The following CTNND2 variants were observed in gnomAD, a reference collection of about 807,000 sequenced individuals.
CTNND2 encodes the protein catenin delta 2, also known as catenin delta-2.
Under a neutral mutation model 144.4 loss-of-function variants are expected in CTNND2, and 22 were observed. That is an observed-to-expected ratio of 0.15 (90% CI 0.11 to 0.22). The LOEUF (loss-of-function observed/expected upper bound fraction) is 0.22, where lower values mean the gene tolerates loss of function less well. Ranked by LOEUF, CTNND2 falls within the 10% of genes least tolerant of loss-of-function variation. The pLI is 1.00. For missense variants in CTNND2, 1,353 were observed against 1,618.8 expected (o/e 0.84, Z 2.82); for synonymous variants, 751 against 695.6 (o/e 1.08, Z -1.25).
intron 2 of CTNND2, among the ~76,000 whole-genome samples, chr5:11,626,488 T>C (rs146570570): frequency 3.9e-5 from 6 of 152,320 alleles, no homozygotes; most frequent in African/African-American, 1.2e-4. Flanking sequence ...CATTGCTAAT[T>C]GTAAAATTAT....
intron 1 of CTNND2, among the ~76,000 whole-genome samples, chr5:11,766,213 T>C (rs1196609332): frequency 6.6e-6 from 1 of 152,204 alleles, no homozygotes; most frequent in Non-Finnish European, 1.5e-5. Flanking sequence ...GTGCACCCCA[T>C]AGGGAGAAGT....
At chr5:11,110,737 A>C (rs765168514) in intron 14 of CTNND2, 121 bp downstream of exon 14, 16 of 898,712 alleles carry the variant, frequency 1.8e-5, no homozygotes, top group Non-Finnish European at 2.3e-5. Context: ...AATTGTGCAG[A>C]TGCATTAGTG....
At chr5:11,185,493 A>G (rs1735532886) in intron 11 of CTNND2, among the ~76,000 whole-genome samples, 1 of 152,216 alleles carries the variant, frequency 6.6e-6, no homozygotes, top group Admixed American at 6.5e-5. Context: ...CTCATGATAC[A>G]GGCTCCTATT....
At chr5:11,412,787 CT>C (rs1387184914) in intron 3 of CTNND2, among the ~76,000 whole-genome samples, 1 of 152,196 alleles carries the variant, frequency 6.6e-6, no homozygotes, top group East Asian at 1.9e-4. Context: ...CTACAGGCCC[CT>C]TTTTTATATG....
Position 11,412,078 on chromosome 5 carries a change from A to C in CTNND2, c.288-9T>G. Reference sequence around the variant, plus strand: ...ACTGCTCTTCTGCTGAACTGTAAAAAAGAAAATACAGAGATATAATGCATT... The same window carrying C: ...ACTGCTCTTCTGCTGAACTGTAAAACAGAAAATACAGAGATATAATGCATT... On this transcript the variant is annotated splice_polypyrimidine_tract_variant and intron_variant, in intron 3 of 21. Coordinates refer to ENST00000304623, the MANE Select transcript of CTNND2 (RefSeq NM_001332.4). 1.2e-6 allele frequency: 2 copies of C among 1,606,978 alleles called. No homozygotes were observed. The highest frequency in any genetic ancestry group is 1.7e-6 in the Non-Finnish European group (2 of 1,173,830).
intron 1 of CTNND2, among the ~76,000 whole-genome samples, chr5:11,831,537 G>A (rs1367541606): frequency 2.0e-5 from 3 of 152,038 alleles, no homozygotes; most frequent in African/African-American, 4.8e-5. Flanking sequence ...GTGTGCTGGC[G>A]GGCGCCTGTA....
chr5:11,708,684 C>T (rs919794461), intron 2 of CTNND2, among the ~76,000 whole-genome samples: 45 of 152,122 alleles, frequency 3.0e-4, no homozygotes, highest in African/African-American at 1.1e-3. Context: ...GCTTCCCCAT[C>T]CTGGGAGTGT....
At chr5:11,572,776 A>G (rs1363779569) in intron 2 of CTNND2, among the ~76,000 whole-genome samples, 1 of 152,158 alleles carries the variant, frequency 6.6e-6, no homozygotes, top group Non-Finnish European at 1.5e-5. Flanking sequence ...CAGATGCACA[A>G]ATGCCACCAC....
At chr5:11,218,978 G>T (rs1441092102) in intron 10 of CTNND2, among the ~76,000 whole-genome samples, 1 of 152,198 alleles carries the variant, frequency 6.6e-6, no homozygotes, top group East Asian at 1.9e-4. Context: ...CCTGCACATA[G>T]GGTGTGGCTG....
intron 3 of CTNND2, among the ~76,000 whole-genome samples, chr5:11,561,930 C>G (rs962116616): frequency 9.9e-5 from 15 of 152,020 alleles, no homozygotes; most frequent in African/African-American, 3.6e-4. Flanking sequence ...TCTGTAATCC[C>G]AGCTACTCAG....
In CTNND2 at chr5:11,469,510, G is replaced by A. The variant is rs561026311; in HGVS notation, c.288-57441C>T. ...CCAGGGCCCTGAAACCTGGATGCAC[G>A]TTCAGAGAAGTCAGTCCGTCAGCTG... On this transcript the variant is annotated intron_variant, in intron 3 of 21. Coordinates refer to ENST00000304623, the MANE Select transcript of CTNND2 (RefSeq NM_001332.4). Among the ~76,000 whole-genome samples the A allele has an allele frequency of 6.6e-5, 10 of 152,212 alleles. No individual in the cohort carries two copies. In the East Asian group the frequency reaches 1.2e-3, roughly 18 times the overall value.
intron 9 of CTNND2, among the ~76,000 whole-genome samples, chr5:11,323,699 T>C (rs1311438623): frequency 6.6e-6 from 1 of 152,150 alleles, no homozygotes; most frequent in East Asian, 1.9e-4. Context: ...GCAATTGCAA[T>C]TATGGTTTTT....
chr5:11,108,043 C>T (rs13155993), intron 14 of CTNND2, among the ~76,000 whole-genome samples: 10,672 of 152,194 alleles, frequency 0.07, 502 homozygotes, highest in Non-Finnish European at 0.098. Flanking sequence ...ATACTTAACC[C>T]ATAATATGAT....
chr5:11,897,446 G>A (rs544174330), intron 1 of CTNND2, among the ~76,000 whole-genome samples: 1 of 152,226 alleles, frequency 6.6e-6, no homozygotes, highest in African/African-American at 2.4e-5. Context: ...ACATCAAACA[G>A]CCACCAAAAT....
intron 3 of CTNND2, among the ~76,000 whole-genome samples, chr5:11,488,891 T>C (rs1043067944): frequency 1.3e-5 from 2 of 152,216 alleles, no homozygotes; most frequent in African/African-American, 4.8e-5. Context: ...TGTACATCAA[T>C]AGTTTGTCCT....
chr5:11,103,966 T>A lies in CTNND2; in HGVS notation c.2464-5218A>T, dbSNP rs61755685. Among the ~76,000 whole-genome samples the A allele has an allele frequency of 6.7e-3, 1,018 of 152,288 alleles. 7 individuals are homozygous for A. The highest frequency in any genetic ancestry group is 0.01 in the Non-Finnish European group (690 of 68,006). On this transcript the variant is annotated intron_variant, in intron 14 of 21. Coordinates refer to ENST00000304623, the MANE Select transcript of CTNND2 (RefSeq NM_001332.4). ...CAGGGAGTATGGAGAAGGATTTCCATTTCAGGAGAAGTGCTAAAATACACA... is the reference window on the plus strand; with the variant it reads ...CAGGGAGTATGGAGAAGGATTTCCAATTCAGGAGAAGTGCTAAAATACACA...
chr5:11,080,462 C>T (rs1332091420), intron 16 of CTNND2, among the ~76,000 whole-genome samples: 1 of 152,152 alleles, frequency 6.6e-6, no homozygotes, highest in Non-Finnish European at 1.5e-5. Flanking sequence ...TCCAGTAATC[C>T]CACTTCTGGG....
chr5:11,332,268 TC>T (rs770303859), intron 9 of CTNND2, among the ~76,000 whole-genome samples: 1 of 129,946 alleles, frequency 7.7e-6, no homozygotes. Context: ...AGAGCTAAAC[TC>T]CGTCTCAAAA....
intron 2 of CTNND2, among the ~76,000 whole-genome samples, chr5:11,636,559 A>G (rs1420999615): frequency 1.3e-5 from 2 of 152,220 alleles, no homozygotes; most frequent in Non-Finnish European, 2.9e-5. Flanking sequence ...AACTGAAGTG[A>G]GCATTTCTAT....
Sources: gnomAD v4.1 joint callset for allele counts (sites outside exome capture counted in the v4.1 genomes callset) on GRCh38, gnomAD v4.1.1 for gene constraint, MANE v1.5 for transcripts, NCBI Gene and HGNC (gene_info 2026-07-23, HGNC 2026-07-21) for gene names.